Variants in MCM9 observed in about 807,000 individuals in gnomAD.
The protein encoded by MCM9 is minichromosome maintenance 9 homologous recombination repair factor, also known as DNA helicase MCM9.
A neutral mutation model predicts 72.8 loss-of-function variants in MCM9; 55 were observed. The observed-to-expected ratio is 0.76, with a 90% CI of 0.61 to 0.95. The LOEUF (loss-of-function observed/expected upper bound fraction) is 0.95. Ranked by LOEUF, MCM9 falls within the 40% of genes least tolerant of loss-of-function variation. The pLI is 0.00. For synonymous variants in MCM9, 480 were observed against 503.4 expected (o/e 0.95, Z 0.62); for missense variants, 1,279 against 1,377.0 (o/e 0.93, Z 1.13).
intron 8 of MCM9, among the ~76,000 whole-genome samples, chr6:118,898,679 C>A (rs1313878820): frequency 6.6e-6 from 1 of 152,134 alleles, no homozygotes; most frequent in Non-Finnish European, 1.5e-5. Flanking sequence ...TAGCCTCCCA[C>A]AATGCTGGGA....
intron 8 of MCM9, chr6:118,907,300 C>A (rs1780248562): frequency 9.2e-6 from 7 of 761,420 alleles, no homozygotes; most frequent in Non-Finnish European, 1.3e-5. Context: ...GAACTTAGCC[C>A]TTTAGGAGTA....
At chr6:118,850,519 A>G (rs1202586917) in intron 9 of MCM9, among the ~76,000 whole-genome samples, 6 of 151,866 alleles carry the variant, frequency 4.0e-5, no homozygotes, top group African/African-American at 1.5e-4. Flanking sequence ...AAAAAGTAGT[A>G]ACAGTGGCTG....
intron 13 of MCM9, 39 bp from the exon 14 acceptor site, chr6:118,816,333 G>T (rs1172437549): frequency 6.9e-7 from 1 of 1,457,698 alleles, no homozygotes; most frequent in Non-Finnish European, 9.1e-7. Context: ...GTCTTGAAGG[G>T]AAGAGAATTT....
intron 9 of MCM9, among the ~76,000 whole-genome samples, chr6:118,844,119 T>C (rs1217198335): frequency 6.6e-6 from 1 of 151,842 alleles, no homozygotes; most frequent in Non-Finnish European, 1.5e-5. Context: ...TTTGCACACT[T>C]AACCCTCTTA....
rs1168251856 is a variant in MCM9 at position 118,848,354 on chromosome 6, T to C, written c.1325+8017A>G. ...AGGAGAAATGAGGCTGTAGGCATTA[T>C]AAAAGGTATTATAAAACGTAAGCCC... On this transcript the variant is annotated intron_variant, in intron 9 of 13. Coordinates refer to ENST00000619706, the MANE Select transcript of MCM9 (RefSeq NM_017696.3). Among the ~76,000 whole-genome samples the C allele has an allele frequency of 2.6e-5, 4 of 151,912 alleles. No homozygotes were observed. In the East Asian group the frequency reaches 7.7e-4, roughly 29 times the overall value.
chr6:118,841,211 A>C (rs1019584578), intron 9 of MCM9, among the ~76,000 whole-genome samples: 1 of 152,224 alleles, frequency 6.6e-6, no homozygotes, highest in South Asian at 2.1e-4. Flanking sequence ...TAAACTCTCA[A>C]AGTACATGGT....
At chr6:118,908,855 C>T (rs1437746219) in intron 8 of MCM9, 1 of 152,596 alleles carries the variant, frequency 6.6e-6, no homozygotes, top group East Asian at 1.9e-4. Flanking sequence ...ATATCTAAAA[C>T]TTTTATACTG....
rs185793557 is a variant in MCM9, at chr6:118,888,252, A to C, written c.1150+23398T>G. Among the ~76,000 whole-genome samples, 361 of 152,236 alleles carry C rather than the reference A, an allele frequency of 2.4e-3. 2 individuals are homozygous for C. Among genetic ancestry groups the C allele is most frequent in the African/African-American group, 7.8e-3 (326 of 41,562 alleles). On this transcript the variant is annotated intron_variant, in intron 8 of 13. Transcript: ENST00000619706. ...CTGTAATCCCAGCACTTTGGGAGGCAGAGGTGGGCGGATCACAAGGTCAGT... is the reference window on the plus strand; with the variant it reads ...CTGTAATCCCAGCACTTTGGGAGGCCGAGGTGGGCGGATCACAAGGTCAGT...
Position 118,816,248 on chromosome 6 carries a change from C to T in MCM9, c.2008G>A (p.Val670Ile), listed in dbSNP as rs1167062545. 11 of 1,549,412 alleles carry T rather than the reference C, an allele frequency of 7.1e-6. No individual in the cohort carries two copies. The highest frequency in any genetic ancestry group is 2.7e-5 in the African/African-American group (2 of 73,016). Residue 670 changes from valine to isoleucine, a missense_variant, in exon 14 of 14, where the codon GTA becomes ATA. Val to Ile is a conservative substitution (Grantham distance 29). Transcript: ENST00000619706. ...VHQSQPRVLE[V>I]ETTPGSLRNG... is the part of the protein sequence containing the mutation. ...CTCAAGGATCCTGGAGTAGTCTCTA[C>T]CTCCAATACCCGTGGTTGGGATTGG...
intron 13 of MCM9, among the ~76,000 whole-genome samples, chr6:118,825,677 T>C (rs949776857): frequency 2.0e-5 from 3 of 152,238 alleles, no homozygotes; most frequent in Non-Finnish European, 4.4e-5. Flanking sequence ...TATGCGAACA[T>C]TAATAGTTTG....
rs1446576466 is a variant in MCM9, at chr6:118,848,170, A to T, written c.1325+8201T>A. On this transcript the variant is annotated intron_variant, in intron 9 of 13. Transcript: ENST00000619706. ...CAAAAGAAAGCATAAAAGTGGAAGA[A>T]TAGTAAGTAAATGCTATTTGTTCTG... is the stretch of plus-strand genomic sequence containing the variant. Among the ~76,000 whole-genome samples the T allele has an allele frequency of 2.0e-5, 3 of 151,934 alleles. 1 individual carries two copies. The highest frequency in any genetic ancestry group is 7.3e-5 in the African/African-American group (3 of 41,176).
chr6:118,872,297 C>A (rs564051101), intron 8 of MCM9, among the ~76,000 whole-genome samples: 1 of 140,888 alleles, frequency 7.1e-6, no homozygotes, highest in Non-Finnish European at 1.5e-5. Flanking sequence ...CCAGCCTGGG[C>A]GATGGAGCAA....
chr6:118,857,973 G>C (rs951024189), intron 8 of MCM9, among the ~76,000 whole-genome samples: 3 of 152,072 alleles, frequency 2.0e-5, no homozygotes, highest in African/African-American at 7.2e-5. Flanking sequence ...TAATAGAGAA[G>C]AGTAAACACT....
intron 8 of MCM9, among the ~76,000 whole-genome samples, chr6:118,882,679 A>T (rs1451538663): frequency 6.6e-6 from 1 of 152,130 alleles, no homozygotes; most frequent in Non-Finnish European, 1.5e-5. Context: ...AGAGTCAAGG[A>T]AAGGTTGGTT....
intron 8 of MCM9, among the ~76,000 whole-genome samples, chr6:118,910,326 C>T (rs1780453568): frequency 6.6e-6 from 1 of 151,936 alleles, no homozygotes; most frequent in Non-Finnish European, 1.5e-5. Context: ...GCTAGCGTGG[C>T]CCTTTGGGTA....
rs755057425 is a variant in MCM9, at chr6:118,932,709, C to T, written c.-118G>A. On this transcript the variant is annotated 5_prime_UTR_variant, in exon 2 of 14. Coordinates refer to ENST00000619706, the MANE Select transcript of MCM9 (RefSeq NM_017696.3). Reference sequence around the variant, plus strand: ...TTGTTTCCTTCTTTCTCTTTCTTACCGTAGGAAATCTACTGGGTTCTGCAG... The same window carrying T: ...TTGTTTCCTTCTTTCTCTTTCTTACTGTAGGAAATCTACTGGGTTCTGCAG... 80 of 673,212 alleles carry T rather than the reference C, an allele frequency of 1.2e-4. No homozygotes were observed. The highest frequency in any genetic ancestry group is 1.3e-4 in the Non-Finnish European group (73 of 544,994). The allele number at this position is 673,212 out of a possible 1,614,324, so 41.7% of individuals were successfully genotyped here. A position where few individuals can be genotyped will look rare whatever the true frequency, so the allele number is the denominator to read the frequency against.
At chr6:118,894,097 G>C in intron 8 of MCM9, 1 of 1,134,968 alleles carries the variant, frequency 8.8e-7, no homozygotes, top group East Asian at 5.7e-5. Flanking sequence ...AGTCCATTCC[G>C]GGAGCGGGAG....
At chr6:118,830,006 T>C (rs891159116) in intron 9 of MCM9, among the ~76,000 whole-genome samples, 1 of 152,158 alleles carries the variant, frequency 6.6e-6, no homozygotes, top group Non-Finnish European at 1.5e-5. Context: ...GAAAGGACTG[T>C]GGACAGGATG....
At chr6:118,887,065 C>T (rs1778652080) in intron 8 of MCM9, among the ~76,000 whole-genome samples, 1 of 152,212 alleles carries the variant, frequency 6.6e-6, no homozygotes, top group South Asian at 2.1e-4. Context: ...TGGCAGTACT[C>T]CCCAAAGGGA....
Sources: gnomAD v4.1 joint callset for allele counts (sites outside exome capture counted in the v4.1 genomes callset) on GRCh38, gnomAD v4.1.1 for gene constraint, MANE v1.5 for transcripts, NCBI Gene and HGNC (gene_info 2026-07-23, HGNC 2026-07-21) for gene names.